IQSEC1: variants seen among roughly 807,000 people sequenced by gnomAD.
The protein encoded by IQSEC1 is IQ motif and Sec7 domain ArfGEF 1.
In IQSEC1, 31 loss-of-function variants were observed where a neutral mutation model predicts 91.0. The observed-to-expected ratio is 0.34, with a 90% CI of 0.26 to 0.46. IQSEC1 has a LOEUF of 0.46. Among genes scored for constraint, IQSEC1 ranks in the 20% least tolerant of loss-of-function variants. The pLI is 1.00. For synonymous variants in IQSEC1, 699 were observed against 662.6 expected, an observed-to-expected ratio of 1.05 and a Z score of -0.84; for missense variants, 1,388 against 1,575.6, an observed-to-expected ratio of 0.88 and a Z score of 2.02.
At chr3:12,931,790 C>T (rs1413094411) in intron 3 of IQSEC1, among the ~76,000 whole-genome samples, 2 of 152,172 alleles carry the variant, frequency 1.3e-5, no homozygotes, top group East Asian at 1.9e-4. Context: ...AGGGGCTGGG[C>T]GCCGAGTGTA....
intron 2 of IQSEC1, among the ~76,000 whole-genome samples, chr3:13,159,343 C>T (rs1419025078): frequency 2.0e-5 from 3 of 152,120 alleles, no homozygotes; most frequent in Non-Finnish European, 4.4e-5. Flanking sequence ...GCAGGAGAAT[C>T]GCTTGAACCT....
intron 2 of IQSEC1, among the ~76,000 whole-genome samples, chr3:13,085,883 C>G (rs1419218820): frequency 6.6e-6 from 1 of 152,244 alleles, no homozygotes; most frequent in Non-Finnish European, 1.5e-5. Flanking sequence ...TCACCTCTCT[C>G]TTCAGACAGT....
In IQSEC1 at chr3:12,941,799, C is replaced by G; in HGVS notation, c.90G>C (p.Gln30His). ...GGCTGGAACCGGGCACCAAGGGGCC[C>G]TGGGGGTAGGCTGAGGGGCTGTCCA... ...TSLDSPSAYP[Q>H]GPLVPGSSLS... Residue 30 changes from glutamine (Q) to histidine (H), a missense_variant, in exon 2 of 14, where the codon CAG becomes CAC. This residue lies in a region of IQSEC1 where 1,059 missense variants were observed against 1,317.8 expected (regional missense o/e 0.80). Transcript: ENST00000613206. The G allele has an allele frequency of 1.2e-6, 2 of 1,611,018 alleles. No individual in the cohort carries two copies. The highest frequency in any genetic ancestry group is 4.5e-5 in the East Asian group (2 of 44,852).
intron 1 of IQSEC1, among the ~76,000 whole-genome samples, chr3:12,974,670 C>T (rs115151119): frequency 0.012 from 1,824 of 152,348 alleles, 41 homozygotes; most frequent in African/African-American, 0.042. Flanking sequence ...GGTAGAGGAC[C>T]GTTCCCTAAA....
intron 1 of IQSEC1, among the ~76,000 whole-genome samples, chr3:13,257,243 C>T (rs986309205): frequency 2.6e-5 from 4 of 152,154 alleles, no homozygotes; most frequent in Non-Finnish European, 4.4e-5. Flanking sequence ...GTCATTCTCA[C>T]GGGCATGATT....
chr3:13,234,065 C>T (rs142325408), intron 1 of IQSEC1, among the ~76,000 whole-genome samples: 1 of 152,252 alleles, frequency 6.6e-6, no homozygotes, highest in Non-Finnish European at 1.5e-5. Context: ...ATTTAAAATA[C>T]AAGCTTCCCC....
chr3:12,897,218 CGA>C lies in IQSEC1; in HGVS notation c.*3763_*3764del, dbSNP rs1052061086. 1.3e-5 allele frequency: 2 copies of C among 152,186 alleles called. No homozygotes were observed. Among genetic ancestry groups the C allele is most frequent in the African/African-American group, 4.8e-5 (2 of 41,440 alleles). 9.4% of individuals were successfully genotyped at this position (152,186 alleles called of 1,614,324 possible). On this transcript the variant is annotated 3_prime_UTR_variant, in exon 14 of 14. Transcript: ENST00000613206. ...GGACTTTTCAGAAAAAGTGAGAATC[CGA>C]GAGTTTCAAAGGATTTATTTGATTT...
chr3:12,904,247 C>T (rs1164011312), intron 12 of IQSEC1, among the ~76,000 whole-genome samples: 1 of 152,210 alleles, frequency 6.6e-6, no homozygotes, highest in Non-Finnish European at 1.5e-5. Flanking sequence ...TCCAGTTCCT[C>T]TGCCTTGTCT....
At chr3:13,092,503 T>C (rs1215634998) in intron 2 of IQSEC1, among the ~76,000 whole-genome samples, 2 of 151,756 alleles carry the variant, frequency 1.3e-5, no homozygotes, top group African/African-American at 2.4e-5. Flanking sequence ...GCTAAAATAA[T>C]CCCAGGAACT....
chr3:12,899,527 C>G lies in IQSEC1; in HGVS notation c.*1456G>C. 6.5e-7 allele frequency: 1 copy of G among 1,535,102 alleles called. No homozygotes were observed. The highest frequency in any genetic ancestry group is 2.4e-5 in the East Asian group (1 of 40,886). ...GCATGGTGTCACCACAACACAGAAG[C>G]GACAAGAGCACAGCTGAGAGTCATG... On this transcript the variant is annotated 3_prime_UTR_variant, in exon 14 of 14. Coordinates refer to ENST00000613206, the MANE Select transcript of IQSEC1 (RefSeq NM_001134382.3).
intron 2 of IQSEC1, among the ~76,000 whole-genome samples, chr3:13,099,699 C>T (rs886375725): frequency 3.9e-5 from 6 of 152,224 alleles, no homozygotes; most frequent in African/African-American, 1.2e-4. Flanking sequence ...TAAAAGGTGC[C>T]CCCTACTCCC....
At chr3:13,001,996 G>C (rs1417160324) in intron 1 of IQSEC1, among the ~76,000 whole-genome samples, 2 of 152,068 alleles carry the variant, frequency 1.3e-5, no homozygotes, top group East Asian at 3.9e-4. Flanking sequence ...AGGCAGGGTG[G>C]GGGGTGGCAG....
At position 12,901,202 on chromosome 3, in the gene IQSEC1, ATGG is replaced by A. The variant is rs750152834; in HGVS notation, c.3123_3125del (p.His1047del). On this transcript the variant is annotated inframe_deletion, in exon 14 of 14. Coordinates refer to ENST00000613206, the MANE Select transcript of IQSEC1 (RefSeq NM_001134382.3). ...GCTGGGGTGGGTGGTGGTGGTGGTG[ATGG>A]TGGTACGGGGGAGGGTTCTGCATGT... 1 of 1,542,412 alleles carries A rather than the reference ATGG, an allele frequency of 6.5e-7. No homozygotes were observed. Among genetic ancestry groups the A allele is most frequent in the South Asian group, 1.2e-5 (1 of 83,564 alleles).
At chr3:13,229,447 C>T (rs1694807910) in intron 1 of IQSEC1, among the ~76,000 whole-genome samples, 1 of 152,172 alleles carries the variant, frequency 6.6e-6, no homozygotes, top group Admixed American at 6.5e-5. Flanking sequence ...TTCTGTGTGA[C>T]AATTTAAACA....
intron 2 of IQSEC1, among the ~76,000 whole-genome samples, chr3:13,140,070 C>T (rs1361957302): frequency 6.6e-6 from 1 of 152,348 alleles, no homozygotes; most frequent in East Asian, 1.9e-4. Context: ...CAACCACCCA[C>T]TCCAACCCAC....
chr3:13,145,906 A>T (rs1706888021), intron 2 of IQSEC1, among the ~76,000 whole-genome samples: 1 of 151,744 alleles, frequency 6.6e-6, no homozygotes. Flanking sequence ...GGCAACATGC[A>T]GTTACTGAGT....
At chr3:13,040,915 G>C (rs1349934610) in intron 1 of IQSEC1, among the ~76,000 whole-genome samples, 1 of 152,138 alleles carries the variant, frequency 6.6e-6, no homozygotes, top group Non-Finnish European at 1.5e-5. Flanking sequence ...CTGTGGAGCA[G>C]GGTCTGTCCC....
At chr3:13,118,100 G>A (rs1357914824) in intron 2 of IQSEC1, among the ~76,000 whole-genome samples, 1 of 152,118 alleles carries the variant, frequency 6.6e-6, no homozygotes, top group African/African-American at 2.4e-5. Context: ...GCGAGAAGGA[G>A]GCTATTGAAT....
intron 3 of IQSEC1, among the ~76,000 whole-genome samples, chr3:12,930,213 T>G (rs1195541874): frequency 6.6e-6 from 1 of 152,214 alleles, no homozygotes; most frequent in African/African-American, 2.4e-5. Flanking sequence ...CAGGTCTCAC[T>G]ATGTTGTCTA....
Sources: gnomAD v4.1 joint callset for allele counts (sites outside exome capture counted in the v4.1 genomes callset) on GRCh38, gnomAD v4.1.1 for gene constraint, gnomAD v4.1.1 regional missense constraint, MANE v1.5 for transcripts, NCBI Gene and HGNC (gene_info 2026-07-23, HGNC 2026-07-21) for gene names.